The following DSC3 variants were observed in gnomAD, a reference collection of about 807,000 sequenced individuals.
The protein encoded by DSC3 is desmocollin 3.
DSC3 carries 97 observed loss-of-function variants against 89.5 expected under a neutral mutation model. The ratio of observed to expected loss-of-function variants is 1.08; its 90% CI spans 0.92 to 1.28. The LOEUF (loss-of-function observed/expected upper bound fraction) is 1.28, where lower values mean the gene tolerates loss of function less well. Among genes scored for constraint, DSC3 ranks in the 50% most tolerant of loss-of-function variants. The pLI is 0.00. For synonymous variants in DSC3, 436 were observed against 384.1 expected (o/e 1.14, Z -1.58); for missense variants, 1,199 against 1,085.3 (o/e 1.10, Z -1.47).
At chr18:31,015,012 T>C (rs1442850369) in intron 9 of DSC3, among the ~76,000 whole-genome samples, 3 of 152,180 alleles carry the variant, frequency 2.0e-5, no homozygotes, top group African/African-American at 7.2e-5. Flanking sequence ...ATGTACAACT[T>C]ATGTAAAGTG....
intron 1 of DSC3, among the ~76,000 whole-genome samples, chr18:31,036,813 G>C (rs887149239): frequency 3.5e-4 from 13 of 36,670 alleles, no homozygotes; most frequent in Non-Finnish European, 5.6e-4. Context: ...TTTTTTTTGA[G>C]ATGGAATCTT....
chr18:31,021,346 T>C (rs563023425), intron 7 of DSC3, among the ~76,000 whole-genome samples: 1 of 152,282 alleles, frequency 6.6e-6, no homozygotes, highest in African/African-American at 2.4e-5. Flanking sequence ...ACATTCAGAC[T>C]TTCCCCTTAA....
intron 4 of DSC3, among the ~76,000 whole-genome samples, chr18:31,026,634 G>A (rs540341370): frequency 5.9e-5 from 9 of 152,162 alleles, no homozygotes; most frequent in Non-Finnish European, 1.2e-4. Flanking sequence ...CTGATGAGTT[G>A]GATGTGTGGT....
At chr18:31,004,496 G>A in intron 12 of DSC3, 130 bp from the exon 13 acceptor site, 2 of 796,240 alleles carry the variant, frequency 2.5e-6, no homozygotes, top group Non-Finnish European at 2.0e-6. Flanking sequence ...AAATAAAAAT[G>A]GAGGACTGTC....
intron 12 of DSC3, among the ~76,000 whole-genome samples, chr18:31,006,048 A>G (rs772079772): frequency 2.0e-5 from 3 of 152,222 alleles, no homozygotes; most frequent in Non-Finnish European, 2.9e-5. Flanking sequence ...CAGTTGCATG[A>G]AAGAACATGG....
chr18:30,994,281 C>T lies in DSC3; in HGVS notation c.2585G>A (p.Gly862Asp). The change falls in exon 16 of 16, where the codon GGT (glycine) becomes GAT (aspartate). Residue 862 changes from glycine to aspartate, a missense_variant. Transcript: ENST00000360428. The stretch of plus-strand genomic sequence containing the variant: ...CTTTTCACTGCAGCAGCCCACAGAA[C>T]CAGCTGGAGATCCTCTTCCCTCATA... Reference protein sequence around the residue: ...YNYEGRGSPAGSVGCCSEKQE... With the variant: ...YNYEGRGSPADSVGCCSEKQE... 1 of 1,614,086 alleles carries T rather than the reference C, an allele frequency of 6.2e-7. No homozygotes were observed. The highest frequency in any genetic ancestry group is 8.5e-7 in the Non-Finnish European group (1 of 1,180,000).
intron 1 of DSC3, 44 bp downstream of exon 1, chr18:31,042,548 A>G: frequency 6.5e-7 from 1 of 1,534,428 alleles, no homozygotes; most frequent in African/African-American, 1.4e-5. Context: ...GGGCGGATCC[A>G]CCCCCGTCCC....
rs1337041398 is a variant in DSC3 at position 31,007,095 on chromosome 18, A to G, written c.1700T>C (p.Ile567Thr). The stretch of plus-strand genomic sequence containing the variant: ...TGGTGGATTATCATTTACATCTTCA[A>G]TGTTCACAGCAAGTGTTCCAGTACA... ...RSCTGTLAVN[I>T]EDVNDNPPEI... The change falls in exon 12 of 16, where the codon ATT (isoleucine) becomes ACT (threonine). Residue 567 changes from isoleucine (I) to threonine (T), a missense_variant. Coordinates refer to ENST00000360428, the MANE Select transcript of DSC3 (RefSeq NM_001941.5). 5.0e-6 allele frequency: 8 copies of G among 1,613,756 alleles called. No homozygotes were observed. Among genetic ancestry groups the G allele is most frequent in the Middle Eastern group, 3.3e-4 (2 of 6,076 alleles).
At chr18:31,020,155 A>C (rs1359292746) in intron 7 of DSC3, among the ~76,000 whole-genome samples, 1 of 152,206 alleles carries the variant, frequency 6.6e-6, no homozygotes, top group East Asian at 1.9e-4. Flanking sequence ...ATGGCCTCAT[A>C]TGTACAGAAG....
At position 31,031,113 on chromosome 18, in the gene DSC3, T is replaced by C; in HGVS notation, c.214A>G (p.Arg72Gly). 1 of 1,613,622 alleles carries C rather than the reference T, an allele frequency of 6.2e-7. No homozygotes were observed. Among genetic ancestry groups the C allele is most frequent in the Non-Finnish European group, 8.5e-7 (1 of 1,179,858 alleles). Residue 72 changes from arginine to glycine, a missense_variant, in exon 3 of 16, where the codon AGA becomes GGA. By Grantham distance (125) the Arg-to-Gly change is moderately radical (BLOSUM62 -2). Transcript: ENST00000360428. The part of the protein sequence containing the change: ...DLIRSSDPDF[R>G]VLNDGSVYTA... Reference sequence around the variant, plus strand: ...TACACTGACCCATCATTTAGAACTCTGAAATCAGGATCACTTGACCGGATG... The same window carrying C: ...TACACTGACCCATCATTTAGAACTCCGAAATCAGGATCACTTGACCGGATG...
chr18:30,992,505 A>G lies in DSC3; in HGVS notation c.*1670T>C, dbSNP rs1224852396. 2 of 152,222 alleles carry G rather than the reference A, an allele frequency of 1.3e-5. No individual in the cohort carries two copies. Among genetic ancestry groups the G allele is most frequent in the Non-Finnish European group, 2.9e-5 (2 of 68,038 alleles). 9.4% of individuals were successfully genotyped at this position (152,222 alleles called of 1,614,324 possible). A position where few individuals can be genotyped will look rare whatever the true frequency, so the allele number is the denominator to read the frequency against. On this transcript the variant is annotated 3_prime_UTR_variant, in exon 16 of 16. Transcript: ENST00000360428. ...TCACCGGACTCAAATGGCAGTTGCC[A>G]TTGGCCTGAGAAAGGAAAAGGCAGT...
chr18:31,022,542 T>C lies in DSC3; in HGVS notation c.776-40A>G, dbSNP rs545828028. 2.5e-6 allele frequency: 4 copies of C among 1,605,882 alleles called. 1 individual carries two copies. In the South Asian group the frequency reaches 4.4e-5, roughly 18 times the overall value. On this transcript the variant is annotated intron_variant, in intron 6 of 15. Transcript: ENST00000360428. The stretch of plus-strand genomic sequence containing the variant: ...ATAAAACAGCCTTTAATTTACAGAA[T>C]TGTTAAATATACTTTCAAAAGTATC...
intron 12 of DSC3, among the ~76,000 whole-genome samples, chr18:31,005,790 G>A (rs1184019207): frequency 6.6e-6 from 1 of 152,178 alleles, no homozygotes. Flanking sequence ...GAAAGGCACT[G>A]CAATGCAGGT....
Position 31,006,901 on chromosome 18 carries a change from A to G in DSC3, c.1888+6T>C, listed in dbSNP as rs1471710230. On this transcript the variant is annotated splice_donor_region_variant and intron_variant, in intron 12 of 15. Transcript: ENST00000360428. ...AGTTTATAAATCATTATTTTTTATT[A>G]AATACCATTAACTTTGGTGAGGCTC... 3 of 1,589,902 alleles carry G rather than the reference A, an allele frequency of 1.9e-6. No homozygotes were observed. Among genetic ancestry groups the G allele is most frequent in the Non-Finnish European group, 1.7e-6 (2 of 1,159,908 alleles).
rs188876212 is a variant in DSC3, at chr18:31,033,169, C to T, written c.70-893G>A. 3.3e-5 allele frequency among the ~76,000 whole-genome samples: 5 copies of T among 152,008 alleles called. No individual in the cohort carries two copies. The East Asian group carries it at 9.7e-4, about 29-fold the overall frequency. On this transcript the variant is annotated intron_variant, in intron 1 of 15. Transcript: ENST00000360428. ...CATTGCTGAAGGAAATTTTTAAAGA[C>T]CTAGATAAATAGAGAGATAGCCCAT...
intron 1 of DSC3, among the ~76,000 whole-genome samples, chr18:31,039,485 C>T (rs576839314): frequency 6.6e-6 from 1 of 152,270 alleles, no homozygotes; most frequent in African/African-American, 2.4e-5. Context: ...CTTCATTTCT[C>T]CTGTGGCCAT....
At position 30,991,739 on chromosome 18, in the gene DSC3, A is replaced by G. The variant is rs1286664334; in HGVS notation, c.*2436T>C. 1 of 152,100 alleles carries G rather than the reference A, an allele frequency of 6.6e-6. No individual in the cohort carries two copies. Among genetic ancestry groups the G allele is most frequent in the Non-Finnish European group, 1.5e-5 (1 of 68,038 alleles). The allele number at this position is 152,100 out of a possible 1,614,324, so 9.4% of individuals were successfully genotyped here. A position where few individuals can be genotyped will look rare whatever the true frequency, so the allele number is the denominator to read the frequency against. On this transcript the variant is annotated 3_prime_UTR_variant, in exon 16 of 16. Transcript: ENST00000360428. ...CAGAGAATTCCATTCTCAGACCAATATTTTGTGCCCTGAGTTCTTTCTCCC... is the reference window on the plus strand; with the variant it reads ...CAGAGAATTCCATTCTCAGACCAATGTTTTGTGCCCTGAGTTCTTTCTCCC...
intron 15 of DSC3, 74 bp from the exon 16 acceptor site, chr18:30,994,446 T>G: frequency 6.3e-7 from 1 of 1,594,028 alleles, no homozygotes; most frequent in Non-Finnish European, 8.6e-7. Flanking sequence ...AAATTTATTT[T>G]TATTTACCTT....
Position 31,022,383 on chromosome 18 carries a change from G to A in DSC3, c.895C>T (p.Pro299Ser). The A allele has an allele frequency of 6.2e-7, 1 of 1,614,008 alleles. No homozygotes were observed. The highest frequency in any genetic ancestry group is 8.5e-7 in the Non-Finnish European group (1 of 1,179,966). The stretch of plus-strand genomic sequence containing the variant: ...ACTGTGGTGATTACGCCTGTGCTGG[G>A]ATGCACAGAAAAGAGCCCAGGTGAC... ...PRSPGLFSVH[P>S]STGVITTVSH... The change falls in exon 7 of 16, where the codon CCC becomes TCC. Residue 299 changes from proline (P) to serine (S), a missense_variant. Pro to Ser is a moderately conservative substitution (Grantham distance 74). Coordinates refer to ENST00000360428, the MANE Select transcript of DSC3 (RefSeq NM_001941.5).
Sources: allele counts gnomAD v4.1 joint callset (sites outside exome capture counted in the v4.1 genomes callset), GRCh38; gene constraint gnomAD v4.1.1; transcripts MANE v1.5; gene names NCBI Gene and HGNC (gene_info 2026-07-23, HGNC 2026-07-21).